Variants in DLG1 observed in about 807,000 individuals in gnomAD.
The protein encoded by DLG1 is discs large MAGUK scaffold protein 1.
Under a neutral mutation model 123.4 loss-of-function variants are expected in DLG1, and 42 were observed. The ratio of observed to expected loss-of-function variants is 0.34; its 90% CI spans 0.27 to 0.44. The LOEUF (loss-of-function observed/expected upper bound fraction) is 0.44, where lower values mean the gene tolerates loss of function less well. DLG1 is among the 20% of genes least tolerant of loss of function. DLG1 has a pLI of 1.00. For synonymous variants in DLG1, 317 were observed against 356.2 expected (o/e 0.89, Z 1.24); for missense variants, 942 against 1,082.6 (o/e 0.87, Z 1.82).
intron 4 of DLG1, among the ~76,000 whole-genome samples, chr3:197,207,360 G>A (rs1387211198): frequency 6.6e-6 from 1 of 152,118 alleles, no homozygotes; most frequent in Non-Finnish European, 1.5e-5. Context: ...CCAAATGTCC[G>A]GCTTTACCAA....
chr3:197,217,176 G>GT (rs1037020129), intron 4 of DLG1, among the ~76,000 whole-genome samples: 29 of 152,262 alleles, frequency 1.9e-4, no homozygotes, highest in African/African-American at 6.7e-4. Context: ...GTATGCTCTC[G>GT]TTTTTTATAG....
intron 4 of DLG1, among the ~76,000 whole-genome samples, chr3:197,223,268 T>C (rs116495341): frequency 0.015 from 2,290 of 152,236 alleles, 65 homozygotes; most frequent in African/African-American, 0.052. Flanking sequence ...AATTAACTCA[T>C]GTTTTGCTGA....
At chr3:197,183,289 GCATTATTAATT>G (rs1713600650) in intron 5 of DLG1, among the ~76,000 whole-genome samples, 1 of 151,948 alleles carries the variant, frequency 6.6e-6, no homozygotes. Flanking sequence ...AAGGAGATGA[GCATTATTAATT>G]CATATTTTAT....
At chr3:197,072,342 G>A (rs1225306417) in intron 18 of DLG1, among the ~76,000 whole-genome samples, 1 of 152,040 alleles carries the variant, frequency 6.6e-6, no homozygotes, top group Non-Finnish European at 1.5e-5. Flanking sequence ...GGAAGGCTGT[G>A]CCAATTTACA....
At chr3:197,280,269 T>G (rs763297056) in intron 4 of DLG1, among the ~76,000 whole-genome samples, 2 of 152,138 alleles carry the variant, frequency 1.3e-5, no homozygotes, top group Non-Finnish European at 2.9e-5. Flanking sequence ...CATAATGACC[T>G]CCAGTTCCAT....
At chr3:197,273,204 G>GTGTGTA (rs1160995679) in intron 4 of DLG1, among the ~76,000 whole-genome samples, 1 of 150,816 alleles carries the variant, frequency 6.6e-6, no homozygotes, top group African/African-American at 2.4e-5. Context: ...GTGTGTGTGT[G>GTGTGTA]TGTGTGTATG....
chr3:197,087,507 C>G (rs1264593783), intron 15 of DLG1, among the ~76,000 whole-genome samples: 1 of 151,864 alleles, frequency 6.6e-6, no homozygotes, highest in African/African-American at 2.4e-5. Flanking sequence ...AGGGCAAGAC[C>G]CCATCTCAAA....
intron 4 of DLG1, among the ~76,000 whole-genome samples, chr3:197,268,379 CT>C (rs547376031): frequency 8.6e-5 from 13 of 151,016 alleles, no homozygotes; most frequent in South Asian, 2.1e-4. Flanking sequence ...AGATTAACAG[CT>C]TTTTTTTTGG....
rs534093829 is a variant in DLG1, at chr3:197,107,569, A to AC, written c.1444-2565dup. Among the ~76,000 whole-genome samples, 148 of 150,456 alleles carry AC rather than the reference A, an allele frequency of 9.8e-4. 1 individual carries two copies. Among genetic ancestry groups the AC allele is most frequent in the African/African-American group, 3.3e-3 (133 of 40,850 alleles). On this transcript the variant is annotated intron_variant, in intron 13 of 24. Coordinates refer to ENST00000667157, the MANE Select transcript of DLG1 (RefSeq NM_001366207.1). The stretch of plus-strand genomic sequence containing the variant: ...CAAGAACAAAAAACAAAAAAACCAA[A>AC]CCCAAAAAAAAAAGGATATACCACT...
intron 4 of DLG1, among the ~76,000 whole-genome samples, chr3:197,238,330 T>C (rs1297730960): frequency 8.5e-5 from 13 of 152,232 alleles, no homozygotes; most frequent in African/African-American, 3.1e-4. Flanking sequence ...CCACAGATGT[T>C]AGACTTACCT....
chr3:197,048,880 C>T (rs1725287472), intron 24 of DLG1, among the ~76,000 whole-genome samples: 2 of 152,142 alleles, frequency 1.3e-5, no homozygotes, highest in Admixed American at 1.3e-4. Context: ...TGGTCTCGGA[C>T]TCCTGACCTC....
At chr3:197,053,198 A>G (rs1385071054) in intron 23 of DLG1, among the ~76,000 whole-genome samples, 2 of 152,200 alleles carry the variant, frequency 1.3e-5, no homozygotes, top group Non-Finnish European at 2.9e-5. Context: ...AAAGCCTTCA[A>G]TATTTTGCCA....
chr3:197,280,716 G>A (rs919808538), intron 4 of DLG1, among the ~76,000 whole-genome samples: 23 of 151,888 alleles, frequency 1.5e-4, no homozygotes, highest in African/African-American at 3.6e-4. Context: ...ATCATAAATC[G>A]GACAATAAAA....
intron 18 of DLG1, among the ~76,000 whole-genome samples, chr3:197,074,647 G>A (rs1746089244): frequency 6.6e-6 from 1 of 152,046 alleles, no homozygotes; most frequent in Admixed American, 6.5e-5. Context: ...TTCCCCAAAT[G>A]TAAGGGTGTC....
At chr3:197,298,012 G>T in intron 1 of DLG1, 1 of 826,712 alleles carries the variant, frequency 1.2e-6, no homozygotes, top group Non-Finnish European at 1.5e-6. Context: ...CTCCTCGCTC[G>T]CCGCGGCCCC....
At chr3:197,187,688 A>G (rs971705187) in intron 5 of DLG1, among the ~76,000 whole-genome samples, 1 of 152,132 alleles carries the variant, frequency 6.6e-6, no homozygotes, top group South Asian at 2.1e-4. Flanking sequence ...CTTCATGTAC[A>G]TTTCAAACTT....
chr3:197,058,896 T>C (rs979339687), intron 23 of DLG1, among the ~76,000 whole-genome samples: 2 of 152,218 alleles, frequency 1.3e-5, no homozygotes, highest in Admixed American at 6.5e-5. Context: ...GATCTTCCTG[T>C]TGGAGTGAAT....
At chr3:197,232,472 G>A (rs1433777420) in intron 4 of DLG1, among the ~76,000 whole-genome samples, 1 of 151,692 alleles carries the variant, frequency 6.6e-6, no homozygotes, top group African/African-American at 2.4e-5. Flanking sequence ...TCAGTATTAG[G>A]TTTATAGCTC....
intron 5 of DLG1, among the ~76,000 whole-genome samples, chr3:197,170,042 A>G (rs1803370661): frequency 6.6e-6 from 1 of 152,162 alleles, no homozygotes; most frequent in African/African-American, 2.4e-5. Context: ...TTAGTTTGCT[A>G]ACGATGACGC....
Sources: gnomAD v4.1 joint callset for allele counts (sites outside exome capture counted in the v4.1 genomes callset) on GRCh38, gnomAD v4.1.1 for gene constraint, MANE v1.5 for transcripts, NCBI Gene and HGNC (gene_info 2026-07-23, HGNC 2026-07-21) for gene names.